Variants in HS3ST3B1 observed in about 807,000 individuals in gnomAD.
HS3ST3B1 encodes heparan sulfate-glucosamine 3-sulfotransferase 3B1, also known as heparan sulfate glucosamine 3-O-sulfotransferase 3B1.
In HS3ST3B1, 13 loss-of-function variants were observed where a neutral mutation model predicts 21.3. The observed-to-expected ratio is 0.61, with a 90% CI of 0.40 to 0.97. The LOEUF is 0.97. Ranked by LOEUF, HS3ST3B1 falls within the 50% of genes least tolerant of loss-of-function variation. The pLI, the probability that HS3ST3B1 is intolerant of heterozygous loss-of-function variation, is 0.00. For missense variants in HS3ST3B1, 459 were observed against 554.8 expected (o/e 0.83, Z 1.73); for synonymous variants, 234 against 254.8 (o/e 0.92, Z 0.78).
rs944522055 is a variant in HS3ST3B1 at position 14,348,579 on chromosome 17, C to T, written c.*2933C>T. On this transcript the variant is annotated 3_prime_UTR_variant, in exon 2 of 2. Transcript: ENST00000360954. ...CTTCCTGTTCTAGCAATCTGCAAGA[C>T]CACCAGGCTTAACTTTTTAGCTGCC... 3 of 152,188 alleles carry T rather than the reference C, an allele frequency of 2.0e-5. No individual in the cohort carries two copies. Among genetic ancestry groups the T allele is most frequent in the Non-Finnish European group, 4.4e-5 (3 of 68,042 alleles). 9.4% of individuals were successfully genotyped at this position (152,188 alleles called of 1,614,324 possible). A position where few individuals can be genotyped will look rare whatever the true frequency, so the allele number is the denominator to read the frequency against.
intron 1 of HS3ST3B1, among the ~76,000 whole-genome samples, chr17:14,318,580 G>A (rs930198947): frequency 1.3e-5 from 2 of 152,172 alleles, no homozygotes; most frequent in African/African-American, 4.8e-5. Flanking sequence ...TATTGATAAG[G>A]TCTAGCTCAG....
chr17:14,317,213 C>T (rs191275194), intron 1 of HS3ST3B1, among the ~76,000 whole-genome samples: 41 of 152,316 alleles, frequency 2.7e-4, no homozygotes, highest in Non-Finnish European at 4.3e-4. Flanking sequence ...GCTTTCTGTG[C>T]GGCCTTGTGA....
chr17:14,301,381 G>A lies in HS3ST3B1; in HGVS notation c.-138G>A, dbSNP rs535458709. On this transcript the variant is annotated 5_prime_UTR_variant, in exon 1 of 2. Coordinates refer to ENST00000360954, the MANE Select transcript of HS3ST3B1 (RefSeq NM_006041.3). ...CTGGGGAAGAGCAGCAGCAGCAGCGGCGGCCGCGGGCACACGGGGGCAATA... is the reference window on the plus strand; with the variant it reads ...CTGGGGAAGAGCAGCAGCAGCAGCGACGGCCGCGGGCACACGGGGGCAATA... The A allele has an allele frequency of 3.3e-5, 23 of 703,890 alleles. No individual in the cohort carries two copies. In the South Asian group the frequency reaches 6.9e-4, roughly 21 times the overall value. 43.6% of individuals were successfully genotyped at this position (703,890 alleles called of 1,614,324 possible).
intron 1 of HS3ST3B1, chr17:14,327,694 A>T (rs1909859848): frequency 6.6e-6 from 1 of 152,176 alleles, no homozygotes; most frequent in South Asian, 2.1e-4. Flanking sequence ...TATTTGCATC[A>T]TGACCTCCAG....
chr17:14,323,918 G>A (rs1393388208), intron 1 of HS3ST3B1, among the ~76,000 whole-genome samples: 1 of 152,164 alleles, frequency 6.6e-6, no homozygotes, highest in African/African-American at 2.4e-5. Flanking sequence ...CAGGGAATTG[G>A]AAATTGATTC....
chr17:14,312,940 T>C (rs1448318445), intron 1 of HS3ST3B1, among the ~76,000 whole-genome samples: 2 of 149,484 alleles, frequency 1.3e-5, no homozygotes, highest in Non-Finnish European at 3.0e-5. Flanking sequence ...AGTCTTGCTC[T>C]TTCACCCAGG....
intron 1 of HS3ST3B1, among the ~76,000 whole-genome samples, chr17:14,310,673 T>C (rs774046745): frequency 3.9e-5 from 6 of 152,158 alleles, no homozygotes; most frequent in Non-Finnish European, 7.3e-5. Context: ...CCGGTGCCTT[T>C]TCCTAGCTAA....
At chr17:14,322,685 G>A (rs60892316) in intron 1 of HS3ST3B1, among the ~76,000 whole-genome samples, 3,464 of 152,110 alleles carry the variant, frequency 0.023, 119 homozygotes, top group African/African-American at 0.078. Flanking sequence ...CCAGATGGCC[G>A]AAATCTAGAA....
intron 1 of HS3ST3B1, among the ~76,000 whole-genome samples, chr17:14,318,817 T>C (rs1450233025): frequency 2.0e-5 from 3 of 152,210 alleles, no homozygotes; most frequent in Non-Finnish European, 4.4e-5. Context: ...CAGTCCCAGC[T>C]GGAAACAGAA....
At chr17:14,329,524 A>G (rs1260428932) in intron 1 of HS3ST3B1, 7 of 151,792 alleles carry the variant, frequency 4.6e-5, no homozygotes, top group Non-Finnish European at 1.0e-4. Context: ...GAAAGAAGAA[A>G]GAAAAAGAAA....
chr17:14,336,925 C>A (rs1221184260), intron 1 of HS3ST3B1, among the ~76,000 whole-genome samples: 1 of 152,036 alleles, frequency 6.6e-6, no homozygotes, highest in African/African-American at 2.4e-5. Flanking sequence ...GGGGACACAT[C>A]TGGTGAGGGC....
intron 1 of HS3ST3B1, chr17:14,327,215 A>G (rs1909847454): frequency 6.6e-6 from 1 of 152,456 alleles, no homozygotes; most frequent in South Asian, 2.1e-4. Flanking sequence ...ATTTGCCATC[A>G]CTTGAGGGAT....
At chr17:14,315,899 T>G (rs985168687) in intron 1 of HS3ST3B1, among the ~76,000 whole-genome samples, 12 of 152,002 alleles carry the variant, frequency 7.9e-5, no homozygotes, top group Non-Finnish European at 1.8e-4. Context: ...TGAGAAATAC[T>G]GTAGCTAAAA....
At position 14,347,418 on chromosome 17, in the gene HS3ST3B1, T is replaced by C. The variant is rs186720939; in HGVS notation, c.*1772T>C. 2 of 152,228 alleles carry C rather than the reference T, an allele frequency of 1.3e-5. No individual in the cohort carries two copies. The highest frequency in any genetic ancestry group is 1.9e-4 in the East Asian group (1 of 5,198). 9.4% of individuals were successfully genotyped at this position (152,228 alleles called of 1,614,324 possible). ...TATGTTTAATTTAACCTCAGTTTTTTAAACCAGAATGCTTCTACCATAAAA... is the reference window on the plus strand; with the variant it reads ...TATGTTTAATTTAACCTCAGTTTTTCAAACCAGAATGCTTCTACCATAAAA... On this transcript the variant is annotated 3_prime_UTR_variant, in exon 2 of 2. Transcript: ENST00000360954.
Position 14,309,670 on chromosome 17 carries a change from A to G in HS3ST3B1, c.554+7598A>G, listed in dbSNP as rs560000936. Among the ~76,000 whole-genome samples, 11 of 152,038 alleles carry G rather than the reference A, an allele frequency of 7.2e-5. No homozygotes were observed. The East Asian group carries it at 1.2e-3, about 16-fold the overall frequency. ...CCAAGTCGAGCCTATCAGCTGTTCT[A>G]TTGTGCTCTCTTCCTTTGGTTCCTC... On this transcript the variant is annotated intron_variant, in intron 1 of 1. Coordinates refer to ENST00000360954, the MANE Select transcript of HS3ST3B1 (RefSeq NM_006041.3).
chr17:14,340,012 G>A (rs1910322153), intron 1 of HS3ST3B1, among the ~76,000 whole-genome samples: 1 of 152,194 alleles, frequency 6.6e-6, no homozygotes, highest in Admixed American at 6.5e-5. Context: ...CGGTTGTAGG[G>A]TGAGGGTGGC....
At chr17:14,343,026 G>A (rs1010505573) in intron 1 of HS3ST3B1, among the ~76,000 whole-genome samples, 10 of 152,070 alleles carry the variant, frequency 6.6e-5, no homozygotes, top group African/African-American at 2.4e-4. Flanking sequence ...GGTGGATCAC[G>A]AGGTCAGGAG....
intron 1 of HS3ST3B1, among the ~76,000 whole-genome samples, chr17:14,339,192 A>G (rs144399943): frequency 0.011 from 1,650 of 152,186 alleles, 20 homozygotes; most frequent in Middle Eastern, 0.068. Context: ...AGGCGGGGCC[A>G]GGGTTGCTGG....
At chr17:14,330,557 G>GT (rs1909978927) in intron 1 of HS3ST3B1, among the ~76,000 whole-genome samples, 1 of 145,418 alleles carries the variant, frequency 6.9e-6, no homozygotes, top group Non-Finnish European at 1.5e-5. Context: ...CCCGGTGTGT[G>GT]TGTGTGTGTG....
Sources: allele counts gnomAD v4.1 joint callset (sites outside exome capture counted in the v4.1 genomes callset), GRCh38; gene constraint gnomAD v4.1.1; transcripts MANE v1.5; gene names NCBI Gene and HGNC (gene_info 2026-07-23, HGNC 2026-07-21).